The following TAF3 variants were observed in gnomAD, a reference collection of about 807,000 sequenced individuals.
The protein encoded by TAF3 is TATA-box binding protein associated factor 3.
In TAF3, 7 loss-of-function variants were observed where a neutral mutation model predicts 80.6. The ratio of observed to expected loss-of-function variants is 0.09; its 90% CI spans 0.05 to 0.16. TAF3 has a LOEUF of 0.16. Among genes scored for constraint, TAF3 ranks in the 10% least tolerant of loss-of-function variants. TAF3 has a pLI of 1.00. For synonymous variants in TAF3, 444 were observed against 446.1 expected (o/e 1.00, Z 0.06); for missense variants, 921 against 1,140.2 (o/e 0.81, Z 2.77).
At chr10:7,830,671 A>G (rs1245082045) in intron 2 of TAF3, among the ~76,000 whole-genome samples, 1 of 151,490 alleles carries the variant, frequency 6.6e-6, no homozygotes, top group African/African-American at 2.4e-5. Flanking sequence ...TTTAGTAGAG[A>G]CGGGGTTTCA....
chr10:7,993,855 A>T (rs952934160), intron 4 of TAF3, among the ~76,000 whole-genome samples: 1 of 150,314 alleles, frequency 6.7e-6, no homozygotes, highest in Non-Finnish European at 1.5e-5. Context: ...CACCTCATAC[A>T]GGAGAGGCAG....
chr10:7,827,030 G>T (rs1473264498), intron 2 of TAF3, among the ~76,000 whole-genome samples: 1 of 152,044 alleles, frequency 6.6e-6, no homozygotes, highest in Non-Finnish European at 1.5e-5. Flanking sequence ...TATTAGCAAG[G>T]TCCTTCCATG....
At chr10:7,818,963 G>A (rs1176345490) in intron 1 of TAF3, 88 bp downstream of exon 1, 11 of 1,258,968 alleles carry the variant, frequency 8.7e-6, no homozygotes, top group Admixed American at 4.1e-5. Flanking sequence ...TCCCCGGGGT[G>A]TGCATCCCGC....
chr10:7,991,928 A>G (rs921986906), intron 4 of TAF3, among the ~76,000 whole-genome samples: 1 of 152,188 alleles, frequency 6.6e-6, no homozygotes, highest in South Asian at 2.1e-4. Flanking sequence ...TTCACTGCAT[A>G]TCATCTTATT....
At chr10:7,835,449 G>A (rs928066326) in intron 2 of TAF3, among the ~76,000 whole-genome samples, 3 of 152,152 alleles carry the variant, frequency 2.0e-5, no homozygotes, top group African/African-American at 4.8e-5. Context: ...TTTTTTGTTT[G>A]TTTTCCTCCA....
At chr10:7,889,707 C>G (rs1394955236) in intron 2 of TAF3, among the ~76,000 whole-genome samples, 1 of 152,188 alleles carries the variant, frequency 6.6e-6, no homozygotes, top group Non-Finnish European at 1.5e-5. Flanking sequence ...TTCCATTGGC[C>G]TGGTCCTGTC....
Position 8,009,393 on chromosome 10 carries a change from T to C in TAF3, c.2568+63T>C, listed in dbSNP as rs1226171067. The C allele has an allele frequency of 7.3e-6, 11 of 1,509,890 alleles. No individual in the cohort carries two copies. Among genetic ancestry groups the C allele is most frequent in the Non-Finnish European group, 9.7e-6 (11 of 1,129,514 alleles). The allele number at this position is 1,509,890 out of a possible 1,614,324, so 93.5% of individuals were successfully genotyped here. On this transcript the variant is annotated intron_variant, in intron 5 of 6. Transcript: ENST00000344293. This position sits in a 1 kb window ranked among gnomAD's most constrained non-coding sequence, Gnocchi z 4.1. ...TTTTCAGATCGAGACAAGTGTGTGCTCTGAATCACTATCGAATTTCAGACG... is the reference window on the plus strand; with the variant it reads ...TTTTCAGATCGAGACAAGTGTGTGCCCTGAATCACTATCGAATTTCAGACG...
chr10:7,969,906 G>A (rs762302170), intron 3 of TAF3, among the ~76,000 whole-genome samples: 4 of 152,018 alleles, frequency 2.6e-5, no homozygotes, highest in Non-Finnish European at 5.9e-5. Context: ...TCCTTCCTCC[G>A]TCTCCTTCCT....
rs139487000 is a variant in TAF3 at position 7,992,893 on chromosome 10, G to A, written c.2315+15570G>A. On this transcript the variant is annotated intron_variant, in intron 4 of 6. Transcript: ENST00000344293. ...TTCTTTTTGTCTTTTTATTCCCAAC[G>A]CATTTCCAAACAAATTCAAAACTTA... Among the ~76,000 whole-genome samples, 586 of 152,040 alleles carry A rather than the reference G, an allele frequency of 3.9e-3. 7 individuals carry two copies. Among genetic ancestry groups the A allele is most frequent in the African/African-American group, 0.014 (562 of 41,458 alleles).
chr10:7,945,146 C>T (rs1247627930), intron 2 of TAF3, among the ~76,000 whole-genome samples: 1 of 152,196 alleles, frequency 6.6e-6, no homozygotes, highest in Non-Finnish European at 1.5e-5. Context: ...CTGAAGTGCA[C>T]TGGCCTCTGG....
chr10:7,935,846 G>A (rs535947978), intron 2 of TAF3, among the ~76,000 whole-genome samples: 1 of 152,302 alleles, frequency 6.6e-6, no homozygotes, highest in East Asian at 1.9e-4. Flanking sequence ...GAGGGAGAGG[G>A]AGATAAAAAT....
chr10:7,908,543 T>G (rs1837626235), intron 2 of TAF3, among the ~76,000 whole-genome samples: 1 of 152,196 alleles, frequency 6.6e-6, no homozygotes, highest in African/African-American at 2.4e-5. Flanking sequence ...AACACCATCA[T>G]GGTCACCGTC....
chr10:7,910,535 C>G (rs575017344), intron 2 of TAF3, among the ~76,000 whole-genome samples: 10 of 152,248 alleles, frequency 6.6e-5, no homozygotes, highest in African/African-American at 2.4e-4. Context: ...TGCCCGCCAT[C>G]ACGCCTGGCT....
At chr10:7,938,320 AG>A (rs1289222356) in intron 2 of TAF3, among the ~76,000 whole-genome samples, 4 of 152,114 alleles carry the variant, frequency 2.6e-5, no homozygotes, top group African/African-American at 7.2e-5. Context: ...GCAGGAGGAC[AG>A]GGTGGAGGTG....
Position 8,014,674 on chromosome 10 carries a change from A to T in TAF3, c.2713A>T (p.Met905Leu). Residue 905 changes from methionine (M) to leucine (L), a missense_variant, in exon 7 of 7, where the codon ATG becomes TTG. Transcript: ENST00000344293. ...AATCATGACTGCACCCCCAGAAGAGATGCAGTGGTTCTGCCCCAAGTGTGC... is the reference window on the plus strand; with the variant it reads ...AATCATGACTGCACCCCCAGAAGAGTTGCAGTGGTTCTGCCCCAAGTGTGC... ...VGIMTAPPEE[M>L]QWFCPKCANK... 1.2e-6 allele frequency: 2 copies of T among 1,613,248 alleles called. No homozygotes were observed. The highest frequency in any genetic ancestry group is 2.2e-5 in the South Asian group (2 of 90,772).
rs549433701 is a variant in TAF3, at chr10:7,907,956, G to T, written c.410-55964G>T. On this transcript the variant is annotated intron_variant, in intron 2 of 6. Transcript: ENST00000344293. Reference sequence around the variant, plus strand: ...ACTGAATCTGGAGCGGCAGCAGCAGGAATAGAAAGAAGAGGCTCAGTTCAG... The same window carrying T: ...ACTGAATCTGGAGCGGCAGCAGCAGTAATAGAAAGAAGAGGCTCAGTTCAG... 2.6e-5 allele frequency among the ~76,000 whole-genome samples: 4 copies of T among 152,306 alleles called. No individual in the cohort carries two copies. The South Asian group carries it at 8.3e-4, about 32-fold the overall frequency.
At chr10:7,824,190 C>A (rs1323115777) in intron 1 of TAF3, 128 bp from the exon 2 acceptor site, 3 of 1,079,382 alleles carry the variant, frequency 2.8e-6, no homozygotes, top group Non-Finnish European at 3.9e-6. Flanking sequence ...CTATTAAATT[C>A]TTTCCAATAA....
intron 2 of TAF3, among the ~76,000 whole-genome samples, chr10:7,844,453 T>C (rs1836949694): frequency 6.7e-6 from 1 of 149,704 alleles, no homozygotes; most frequent in East Asian, 2.0e-4. Flanking sequence ...CTCGGCTCAC[T>C]GCAACCTCCG....
At chr10:7,908,027 C>T (rs1040472376) in intron 2 of TAF3, among the ~76,000 whole-genome samples, 3 of 152,194 alleles carry the variant, frequency 2.0e-5, no homozygotes, top group Non-Finnish European at 2.9e-5. Context: ...TGCTCAGCAG[C>T]GTATGGAATT....
Sources: allele counts gnomAD v4.1 joint callset (sites outside exome capture counted in the v4.1 genomes callset), GRCh38; gene constraint gnomAD v4.1.1; non-coding constraint Gnocchi (gnomAD v3.1); transcripts MANE v1.5; gene names NCBI Gene and HGNC (gene_info 2026-07-23, HGNC 2026-07-21).